The following ATP12A variants were observed in gnomAD, a reference collection of about 807,000 sequenced individuals.
The protein encoded by ATP12A is potassium-transporting ATPase alpha chain 2.
In ATP12A, 81 loss-of-function variants were observed where a neutral mutation model predicts 111.2. The ratio of observed to expected loss-of-function variants is 0.73; its 90% CI spans 0.61 to 0.88. The LOEUF is 0.88. ATP12A is among the 40% of genes least tolerant of loss of function. The pLI, the probability that ATP12A is intolerant of heterozygous loss-of-function variation, is 0.00. For synonymous variants in ATP12A, 498 were observed against 499.8 expected, an observed-to-expected ratio of 1.00 and a Z score of 0.05; for missense variants, 1,196 against 1,313.1, an observed-to-expected ratio of 0.91 and a Z score of 1.38.
chr13:24,683,308 A>G (rs1237974378), intron 2 of ATP12A, among the ~76,000 whole-genome samples: 1 of 152,198 alleles, frequency 6.6e-6, no homozygotes, highest in East Asian at 1.9e-4. Flanking sequence ...AATGTGACAG[A>G]TTTTATCTTG....
In ATP12A at chr13:24,685,786, G is replaced by A. The variant is rs1055433074; in HGVS notation, c.228+413G>A. On this transcript the variant is annotated intron_variant, in intron 3 of 22. Transcript: ENST00000381946. The surrounding 1 kb of genome is among the most constrained non-coding windows in gnomAD (Gnocchi z 5.5). The stretch of plus-strand genomic sequence containing the variant: ...CGGGCTGCTGCCATGTTTGCGCTGG[G>A]ACTCAAAATGCTTCGGATTTAAGCT... 2.6e-5 allele frequency among the ~76,000 whole-genome samples: 4 copies of A among 152,228 alleles called. No individual in the cohort carries two copies. Among genetic ancestry groups the A allele is most frequent in the African/African-American group, 9.6e-5 (4 of 41,460 alleles).
intron 12 of ATP12A, 110 bp downstream of exon 12, chr13:24,698,960 G>T: frequency 7.6e-7 from 1 of 1,315,256 alleles, no homozygotes; most frequent in Admixed American, 2.3e-5. Flanking sequence ...CGTGAAGCAT[G>T]TAAAGGAGAA....
Position 24,711,345 on chromosome 13 carries a change from G to A in ATP12A, c.3027G>A (p.Pro1009=), listed in dbSNP as rs572995801. Reference sequence around the variant, plus strand: ...CTCAGTACTGGTTTGTGGCTGTGCCGCACGCCATCCTGATCTGGGTGTATG... The same window carrying A: ...CTCAGTACTGGTTTGTGGCTGTGCCACACGCCATCCTGATCTGGGTGTATG... ...LRAQYWFVAV[P]HAILIWVYDE... Residue 1009 remains proline, a synonymous_variant, in exon 22 of 23, where the codon CCG becomes CCA. Coordinates refer to ENST00000381946, the MANE Select transcript of ATP12A (RefSeq NM_001676.7). 2.2e-4 allele frequency: 351 copies of A among 1,606,116 alleles called. 5 individuals are homozygous for A. The Admixed American group carries it at 4.8e-3, about 22-fold the overall frequency.
At chr13:24,690,132 A>T (rs1361931669) in intron 5 of ATP12A, among the ~76,000 whole-genome samples, 1 of 152,078 alleles carries the variant, frequency 6.6e-6, no homozygotes, top group Non-Finnish European at 1.5e-5. Flanking sequence ...CTTCTGTTTC[A>T]TTCTTGCTGT....
intron 8 of ATP12A, among the ~76,000 whole-genome samples, chr13:24,691,565 C>A (rs953525036): frequency 4.6e-5 from 7 of 152,126 alleles, no homozygotes; most frequent in African/African-American, 1.7e-4. Flanking sequence ...TGATGCCTTC[C>A]GCACATTTCT....
At chr13:24,686,515 C>T (rs1243052070) in intron 3 of ATP12A, among the ~76,000 whole-genome samples, 3 of 151,254 alleles carry the variant, frequency 2.0e-5, no homozygotes, top group African/African-American at 4.9e-5. Flanking sequence ...CCAAGACGGG[C>T]GGATCACGAG....
At chr13:24,690,759 G>A in intron 7 of ATP12A, 38 bp downstream of exon 7, 1 of 1,571,242 alleles carries the variant, frequency 6.4e-7, no homozygotes, top group Non-Finnish European at 8.7e-7. Flanking sequence ...ATGTCCACCT[G>A]TGTCCTTTCT....
Position 24,700,868 on chromosome 13 carries a change from C to G in ATP12A, c.1827C>G (p.Pro609=). 6.2e-7 allele frequency: 1 copy of G among 1,614,158 alleles called. No individual in the cohort carries two copies. ...CFVGLLSMID[P]PRSTVPDAVT... is the part of the protein sequence containing the mutation. ...TGGGACTCTTGTCAATGATCGATCC[C>G]CCTCGGTCCACCGTGCCAGATGCAG... Residue 609 remains proline (P), a synonymous_variant, in exon 13 of 23, where the codon CCC becomes CCG. Coordinates refer to ENST00000381946, the MANE Select transcript of ATP12A (RefSeq NM_001676.7).
intron 13 of ATP12A, among the ~76,000 whole-genome samples, chr13:24,701,517 AAAAG>A (rs1566075669): frequency 6.1e-5 from 9 of 148,728 alleles, no homozygotes; most frequent in African/African-American, 1.5e-4. Context: ...AAAAAAAAAA[AAAAG>A]AAAGAAAGAA....
intron 2 of ATP12A, among the ~76,000 whole-genome samples, chr13:24,682,336 G>GGT (rs150694952): frequency 2.4e-5 from 3 of 124,676 alleles, no homozygotes; most frequent in Middle Eastern, 4.8e-3. Context: ...TGTAGCGTGT[G>GGT]GTGTGTGTGT....
At chr13:24,694,673 C>A (rs916314030) in intron 11 of ATP12A, 95 bp downstream of exon 11, 8 of 1,575,914 alleles carry the variant, frequency 5.1e-6, no homozygotes, top group Non-Finnish European at 6.9e-6. Context: ...TTGAAGGATA[C>A]CTGGCTTCAA....
At chr13:24,681,857 T>C in intron 2 of ATP12A, 137 bp downstream of exon 2, 1 of 1,183,752 alleles carries the variant, frequency 8.4e-7, no homozygotes, top group East Asian at 2.6e-5. Flanking sequence ...TGGTGTGTGG[T>C]GTCTGCGTGG....
In ATP12A at chr13:24,690,676, CT is replaced by C; in HGVS notation, c.755del (p.Leu252ArgfsTer77). ...RSSEFTHENPLETKNICFYST... is the reference protein window; with the variant it reads ...RSSEFTHENPXETKNICFYST... ...CTCTGAGTTTACCCATGAAAACCCC[CT>C]GGAAACAAAGAACATCTGCTTCTAT... On this transcript the variant is annotated frameshift_variant, in exon 7 of 23. Transcript: ENST00000381946. LOFTEE classifies it high-confidence loss of function. 2.5e-6 allele frequency: 4 copies of C among 1,614,012 alleles called. No individual in the cohort carries two copies. Among genetic ancestry groups the C allele is most frequent in the Non-Finnish European group, 3.4e-6 (4 of 1,179,980 alleles).
In ATP12A at chr13:24,691,188, AT is replaced by A; in HGVS notation, c.1007del (p.Ile336ThrfsTer22). The A allele has an allele frequency of 3.1e-6, 5 of 1,614,020 alleles. No individual in the cohort carries two copies. The highest frequency in any genetic ancestry group is 4.2e-6 in the Non-Finnish European group (5 of 1,179,974). ...VSLKYQVLDS[I>X]IFLIGIIVAN... ...CCTGAAGTATCAAGTCCTGGACTCC[AT>A]CATCTTCCTCATTGGCATCATTGTG... On this transcript the variant is annotated frameshift_variant, in exon 8 of 23. Transcript: ENST00000381946. LOFTEE classifies it high-confidence loss of function.
chr13:24,696,547 A>AAATAC (rs1875163158), intron 11 of ATP12A, among the ~76,000 whole-genome samples: 1 of 124,688 alleles, frequency 8.0e-6, no homozygotes, highest in African/African-American at 2.9e-5. Context: ...TCTACTAAAA[A>AAATAC]AAAAAATACA....
At position 24,688,593 on chromosome 13, in the gene ATP12A, G is replaced by A. The variant is rs1355419121; in HGVS notation, c.432+71G>A. On this transcript the variant is annotated intron_variant, in intron 4 of 22. Coordinates refer to ENST00000381946, the MANE Select transcript of ATP12A (RefSeq NM_001676.7). ...CCAGTGAGGCCTTGGGGGCACAGCT[G>A]GGGGCTGAATGCCACTGCCTAGGTG... 1.1e-5 allele frequency: 15 copies of A among 1,401,010 alleles called. No homozygotes were observed. In the South Asian group the frequency reaches 2.2e-4, roughly 21 times the overall value. The allele number at this position is 1,401,010 out of a possible 1,614,324, so 86.8% of individuals were successfully genotyped here. A position where few individuals can be genotyped will look rare whatever the true frequency, so the allele number is the denominator to read the frequency against.
chr13:24,694,696 G>A (rs1875061360), intron 11 of ATP12A, 118 bp downstream of exon 11: 8 of 1,502,458 alleles, frequency 5.3e-6, no homozygotes, highest in South Asian at 2.4e-5. Flanking sequence ...ACAGTCGTCA[G>A]GGATACAGCA....
intron 13 of ATP12A, 52 bp from the exon 14 acceptor site, chr13:24,701,883 G>A (rs1374521153): frequency 3.7e-6 from 6 of 1,611,802 alleles, no homozygotes; most frequent in African/African-American, 1.3e-5. Context: ...TCCCCACTTT[G>A]GCCAACCGAG....
chr13:24,700,794 T>C lies in ATP12A; in HGVS notation c.1753T>C (p.Ser585Pro). ...LPADEFPETY[S>P]FDIDAMNFPT... is the part of the protein sequence containing the mutation. ...AGCAGACGAGTTTCCAGAAACCTAC[T>C]CATTTGACATAGACGCTATGAACTT... The change falls in exon 13 of 23, where the codon TCA becomes CCA. Residue 585 changes from serine (S) to proline (P), a missense_variant. Transcript: ENST00000381946. The C allele has an allele frequency of 6.2e-7, 1 of 1,614,138 alleles. No individual in the cohort carries two copies. Among genetic ancestry groups the C allele is most frequent in the Non-Finnish European group, 8.5e-7 (1 of 1,180,018 alleles).
Sources: gnomAD v4.1 joint callset for allele counts (sites outside exome capture counted in the v4.1 genomes callset) on GRCh38, gnomAD v4.1.1 for gene constraint, Gnocchi (gnomAD v3.1) non-coding constraint, MANE v1.5 for transcripts, NCBI Gene and HGNC (gene_info 2026-07-23, HGNC 2026-07-21) for gene names.